The following FREM1 variants were observed in gnomAD, a reference collection of about 807,000 sequenced individuals.
FREM1 encodes FRAS1-related extracellular matrix protein 1.
In FREM1, 220 loss-of-function variants were observed where a neutral mutation model predicts 210.1. That is an observed-to-expected ratio of 1.05 (90% CI 0.94 to 1.17). FREM1 has a LOEUF of 1.17. FREM1 is among the 50% of genes most tolerant of loss of function. The pLI is 0.00. For synonymous variants in FREM1, 1,189 were observed against 980.2 expected (o/e 1.21, Z -3.98); for missense variants, 3,454 against 2,675.5 (o/e 1.29, Z -6.42).
At position 14,868,853 on chromosome 9, in the gene FREM1, A is replaced by T; in HGVS notation, c.125T>A (p.Leu42Gln). The change falls in exon 2 of 37, where the codon CTG (leucine) becomes CAG (glutamine). Residue 42 changes from leucine to glutamine, a missense_variant. Transcript: ENST00000380880. ...VRVMKGHSAF[L>Q]SGDDLKFAIP... ...GGCAAACTTCAGGTCATCTCCTGAC[A>T]GGAAGGCAGAGTGGCCCTTCATCAC... is the stretch of plus-strand genomic sequence containing the variant. 6.2e-7 allele frequency: 1 copy of T among 1,610,406 alleles called. No homozygotes were observed. The highest frequency in any genetic ancestry group is 1.1e-5 in the South Asian group (1 of 90,060).
chr9:14,904,989 G>A (rs1317931834), intron 1 of FREM1, among the ~76,000 whole-genome samples: 2 of 151,896 alleles, frequency 1.3e-5, no homozygotes, highest in African/African-American at 4.8e-5. Context: ...TCATCCTTCA[G>A]GCCTCAATCT....
At chr9:14,776,706 C>T (rs568318829) in intron 24 of FREM1, among the ~76,000 whole-genome samples, 28 of 152,234 alleles carry the variant, frequency 1.8e-4, no homozygotes, top group East Asian at 1.3e-3. Context: ...TCTACTCATA[C>T]GTTTTTATGG....
At chr9:14,867,564 T>G (rs1831760536) in intron 2 of FREM1, among the ~76,000 whole-genome samples, 2 of 152,244 alleles carry the variant, frequency 1.3e-5, no homozygotes, top group Admixed American at 1.3e-4. Flanking sequence ...TGTTTCAGAA[T>G]GGGTCTATAA....
In FREM1 at chr9:14,841,586, T is replaced by G; in HGVS notation, c.1742A>C (p.Tyr581Ser). 2 of 1,597,128 alleles carry G rather than the reference T, an allele frequency of 1.3e-6. No homozygotes were observed. Among genetic ancestry groups the G allele is most frequent in the Non-Finnish European group, 1.7e-6 (2 of 1,168,148 alleles). The change falls in exon 10 of 37, where the codon TAT (tyrosine) becomes TCT (serine). Residue 581 changes from tyrosine (Y) to serine (S), a missense_variant. By Grantham distance (144) the Tyr-to-Ser change is moderately radical (BLOSUM62 -2). Coordinates refer to ENST00000380880, the MANE Select transcript of FREM1 (RefSeq NM_001379081.2). ...CCTCTGAAGGAAGCCATGGACAGGA[T>G]AGCCTATTGGGTCCATAAAACACCA... ...MKKPGPGLIG[Y>S]PVHGFLQRDL...
chr9:14,821,896 T>C (rs1821398406), intron 13 of FREM1, among the ~76,000 whole-genome samples: 1 of 152,246 alleles, frequency 6.6e-6, no homozygotes, highest in South Asian at 2.1e-4. Flanking sequence ...TTCATTATTT[T>C]CATATATTGT....
chr9:14,775,214 C>T (rs1241442320), intron 25 of FREM1, among the ~76,000 whole-genome samples: 1 of 152,162 alleles, frequency 6.6e-6, no homozygotes, highest in Non-Finnish European at 1.5e-5. Flanking sequence ...ACGGCTAATA[C>T]ATTGCAAAGC....
At chr9:14,786,002 A>G (rs895542116) in intron 23 of FREM1, among the ~76,000 whole-genome samples, 1 of 152,182 alleles carries the variant, frequency 6.6e-6, no homozygotes, top group African/African-American at 2.4e-5. Flanking sequence ...CAGTTTCACA[A>G]ACTAGGGACC....
At chr9:14,895,539 A>C (rs1012977936) in intron 1 of FREM1, among the ~76,000 whole-genome samples, 1 of 152,128 alleles carries the variant, frequency 6.6e-6, no homozygotes, top group Non-Finnish European at 1.5e-5. Flanking sequence ...TAACAACTCC[A>C]TATCTGCTTG....
chr9:14,851,854 G>A (rs1827819542), intron 5 of FREM1, among the ~76,000 whole-genome samples: 1 of 152,150 alleles, frequency 6.6e-6, no homozygotes, highest in Non-Finnish European at 1.5e-5. Flanking sequence ...GAGCTCCCTG[G>A]TGACTCTTAC....
At chr9:14,768,323 T>G (rs1159075241) in intron 27 of FREM1, among the ~76,000 whole-genome samples, 6 of 151,674 alleles carry the variant, frequency 4.0e-5, no homozygotes, top group Non-Finnish European at 8.8e-5. Context: ...AGCAGGTTTT[T>G]TTTTTTTTTT....
chr9:14,758,715 C>T (rs1051750276), intron 28 of FREM1, among the ~76,000 whole-genome samples: 2 of 152,030 alleles, frequency 1.3e-5, no homozygotes, highest in African/African-American at 4.8e-5. Context: ...GCTCATTCTC[C>T]ATCATTAGTG....
At chr9:14,853,263 G>C (rs1373504122) in intron 5 of FREM1, among the ~76,000 whole-genome samples, 1 of 152,210 alleles carries the variant, frequency 6.6e-6, no homozygotes, top group Non-Finnish European at 1.5e-5. Flanking sequence ...GGCAACAAGG[G>C]ACATATAAAT....
intron 25 of FREM1, among the ~76,000 whole-genome samples, chr9:14,772,201 A>G (rs2132532825): frequency 6.6e-6 from 1 of 152,196 alleles, no homozygotes; most frequent in South Asian, 2.1e-4. Context: ...AACAGTGAAA[A>G]TTTTTCTGTA....
chr9:14,784,158 G>A, intron 24 of FREM1: 3 of 463,474 alleles, frequency 6.5e-6, no homozygotes, highest in Non-Finnish European at 1.1e-5. Context: ...AAACACAGCT[G>A]CACCAGAGCT....
chr9:14,767,658 C>G (rs1468255607), intron 27 of FREM1, among the ~76,000 whole-genome samples: 3 of 152,134 alleles, frequency 2.0e-5, no homozygotes, highest in Admixed American at 2.0e-4. Context: ...AACCACTATT[C>G]ATAACCTTGC....
rs1206276824 is a variant in FREM1, at chr9:14,741,665, C to T, written c.6255-1431G>A. On this transcript the variant is annotated intron_variant, in intron 35 of 36. Transcript: ENST00000380880. ...TGAGGGAGGGCTTGAGGGACTGTCC[C>T]AGTCACTATGACATTTTGTACAGAG... is the stretch of plus-strand genomic sequence containing the variant. 2.0e-5 allele frequency among the ~76,000 whole-genome samples: 3 copies of T among 152,284 alleles called. No individual in the cohort carries two copies. In the East Asian group the frequency reaches 5.8e-4, roughly 29 times the overall value.
intron 1 of FREM1, among the ~76,000 whole-genome samples, chr9:14,886,589 T>G (rs760883531): frequency 6.6e-6 from 1 of 152,006 alleles, no homozygotes; most frequent in Non-Finnish European, 1.5e-5. Flanking sequence ...AGTCAGAAGC[T>G]AAACTTAGAA....
intron 1 of FREM1, among the ~76,000 whole-genome samples, chr9:14,900,612 A>G (rs1489983223): frequency 1.3e-5 from 2 of 152,108 alleles, no homozygotes; most frequent in Non-Finnish European, 2.9e-5. Context: ...GGAAGATAGG[A>G]TGGTCCTAGA....
intron 10 of FREM1, among the ~76,000 whole-genome samples, chr9:14,840,423 G>A (rs1825471088): frequency 6.6e-6 from 1 of 152,218 alleles, no homozygotes; most frequent in South Asian, 2.1e-4. Context: ...CATGGCTGGG[G>A]AGGTCTCACA....
Sources: gnomAD v4.1 joint callset for allele counts (sites outside exome capture counted in the v4.1 genomes callset) on GRCh38, gnomAD v4.1.1 for gene constraint, MANE v1.5 for transcripts, NCBI Gene and HGNC (gene_info 2026-07-23, HGNC 2026-07-21) for gene names.